Variants in SYT12 observed in about 807,000 individuals in gnomAD.
SYT12 encodes the protein synaptotagmin-12.
A neutral mutation model predicts 39.5 loss-of-function variants in SYT12; 27 were observed. The observed-to-expected ratio is 0.68, with a 90% CI of 0.50 to 0.94. The LOEUF is 0.94. SYT12 is among the 40% of genes least tolerant of loss of function. The pLI is 0.00. For synonymous variants in SYT12, 233 were observed against 239.7 expected (o/e 0.97, Z 0.26); for missense variants, 536 against 572.6 (o/e 0.94, Z 0.65).
intron 2 of SYT12, chr11:67,030,496 C>T (rs1329940903): frequency 2.9e-6 from 1 of 347,386 alleles, no homozygotes; most frequent in African/African-American, 2.1e-5. Flanking sequence ...TCGGAATCCA[C>T]TCACCGAGGC....
At position 67,050,337 on chromosome 11, in the gene SYT12, G is replaced by GGGGCCACCCACAGGTGACAGCAT. The variant is rs1176003153; in HGVS notation, c.*1583_*1605dup. 2.0e-5 allele frequency: 3 copies of GGGGCCACCCACAGGTGACAGCAT among 152,448 alleles called. No homozygotes were observed. Among genetic ancestry groups the GGGGCCACCCACAGGTGACAGCAT allele is most frequent in the Non-Finnish European group, 4.4e-5 (3 of 68,212 alleles). 9.4% of individuals were successfully genotyped at this position (152,448 alleles called of 1,614,324 possible). A position where few individuals can be genotyped will look rare whatever the true frequency, so the allele number is the denominator to read the frequency against. ...GCAGGTGGGGTATCATCTGCTCGGT[G>GGGGCCACCCACAGGTGACAGCAT]GGGCCACCCACAGGTGACAGCATGG... On this transcript the variant is annotated 3_prime_UTR_variant, in exon 8 of 8. Transcript: ENST00000527043.
intron 2 of SYT12, 128 bp downstream of exon 2, chr11:67,030,306 T>A: frequency 8.9e-7 from 1 of 1,121,916 alleles, no homozygotes; most frequent in Admixed American, 2.2e-5. Flanking sequence ...TCAAGGACAG[T>A]CAGTGACTTG....
At chr11:67,019,256 T>C (rs1233786969), upstream of SYT12, among the ~76,000 whole-genome samples, 6 of 152,186 alleles carry the variant, frequency 3.9e-5, no homozygotes, top group East Asian at 1.2e-3. Flanking sequence ...GTAGATCACC[T>C]GAGGTCGGAA....
chr11:67,043,769 G>A lies in SYT12; in HGVS notation c.753G>A (p.Thr251=), dbSNP rs79790963. 6.4e-4 allele frequency: 1,026 copies of A among 1,614,110 alleles called. 5 individuals are homozygous for A. Among genetic ancestry groups the A allele is most frequent in the African/African-American group, 5.6e-3 (421 of 75,050 alleles). ...GIDEDERNVS[T]GVVELKLSVL... ...ATGAGGATGAGCGCAACGTCAGCAC[G>A]GGGGTGGTGGAGCTGAAGCTTTCTG... The change falls in exon 5 of 8, where the codon ACG becomes ACA. Residue 251 remains threonine, a synonymous_variant. Transcript: ENST00000527043.
At chr11:67,045,954 T>C in intron 7 of SYT12, 77 bp downstream of exon 7, 3 of 1,580,186 alleles carry the variant, frequency 1.9e-6, no homozygotes, top group Non-Finnish European at 2.6e-6. Flanking sequence ...CACCTTCTCT[T>C]CTCAGGGCCC....
intron 3 of SYT12, among the ~76,000 whole-genome samples, chr11:67,037,857 G>A (rs914514397): frequency 3.3e-5 from 5 of 150,432 alleles, no homozygotes; most frequent in Admixed American, 3.3e-4. Context: ...ACTCCAGCCT[G>A]GGCGACAGAG....
rs1205863686 is a variant in SYT12, at chr11:67,050,290, A to C, written c.*1533A>C. The C allele has an allele frequency of 6.6e-6, 1 of 152,310 alleles. No homozygotes were observed. Among genetic ancestry groups the C allele is most frequent in the Admixed American group, 6.5e-5 (1 of 15,286 alleles). 9.4% of individuals were successfully genotyped at this position (152,310 alleles called of 1,614,324 possible). A position where few individuals can be genotyped will look rare whatever the true frequency, so the allele number is the denominator to read the frequency against. On this transcript the variant is annotated 3_prime_UTR_variant, in exon 8 of 8. Coordinates refer to ENST00000527043, the MANE Select transcript of SYT12 (RefSeq NM_177963.4). ...TTGCCTTCATGGCTGAGTGCTGGGAAGGGCTGAGCTCACCCAGGCCAGCAG... is the reference window on the plus strand; with the variant it reads ...TTGCCTTCATGGCTGAGTGCTGGGACGGGCTGAGCTCACCCAGGCCAGCAG...
At chr11:67,007,840 A>G (rs1311493352) in intron 1 of SYT12, among the ~76,000 whole-genome samples, 1 of 152,092 alleles carries the variant, frequency 6.6e-6, no homozygotes, top group Admixed American at 6.6e-5. Context: ...CTGGGATTAC[A>G]GGTGTGAGCC....
At chr11:67,016,043 G>C (rs145344417) in intron 3 of SYT12, among the ~76,000 whole-genome samples, 134 of 152,334 alleles carry the variant, frequency 8.8e-4, no homozygotes, top group African/African-American at 2.9e-3. Flanking sequence ...CACTTCGGGA[G>C]GCTGGGGTGG....
At chr11:67,008,248 C>G (rs761997319) in intron 1 of SYT12, among the ~76,000 whole-genome samples, 2 of 152,144 alleles carry the variant, frequency 1.3e-5, no homozygotes, top group African/African-American at 2.4e-5. Context: ...GCCATCACAC[C>G]CGGCCAGGAA....
At position 67,045,819 on chromosome 11, in the gene SYT12, A is replaced by C; in HGVS notation, c.1034A>C (p.Asp345Ala). Residue 345 changes from aspartate to alanine, a missense_variant, in exon 7 of 8, where the codon GAC becomes GCC. Coordinates refer to ENST00000527043, the MANE Select transcript of SYT12 (RefSeq NM_177963.4). ...AAGAAGACAGCCGTGAAGAGGGATG[A>C]CCCCAACCCGGTGTTCAACGAAGCC... ...SKKKTAVKRD[D>A]PNPVFNEAMI... is the part of the protein sequence containing the mutation. 6.2e-7 allele frequency: 1 copy of C among 1,612,074 alleles called. No individual in the cohort carries two copies. The highest frequency in any genetic ancestry group is 8.5e-7 in the Non-Finnish European group (1 of 1,179,634).
chr11:67,010,094 G>A (rs1194788762), exon 2 of SYT12: 1 of 152,344 alleles, frequency 6.6e-6, no homozygotes, highest in Admixed American at 6.5e-5. Context: ...CGTGGACAGT[G>A]ACAGCCGGAC....
chr11:67,034,855 T>TGCAGGTGCACA lies in SYT12; in HGVS notation c.228+20_228+30dup. On this transcript the variant is annotated intron_variant, in intron 3 of 7. Transcript: ENST00000527043. ...AGGGAGAAGGTGAGGCTTCTGCTCC[T>TGCAGGTGCACA]GCAGGTGCACAGCGAGTGCAACCCC... is the stretch of plus-strand genomic sequence containing the variant. The TGCAGGTGCACA allele has an allele frequency of 6.6e-7, 1 of 1,513,436 alleles. No homozygotes were observed. Among genetic ancestry groups the TGCAGGTGCACA allele is most frequent in the Non-Finnish European group, 8.8e-7 (1 of 1,136,204 alleles). The allele number at this position is 1,513,436 out of a possible 1,614,324, so 93.8% of individuals were successfully genotyped here.
At chr11:67,014,085 C>G (rs1287770722) in intron 3 of SYT12, among the ~76,000 whole-genome samples, 2 of 152,188 alleles carry the variant, frequency 1.3e-5, no homozygotes, top group Non-Finnish European at 1.5e-5. Flanking sequence ...AGGACACCAC[C>G]CATCGCATGT....
At chr11:67,007,531 G>A (rs991416484) in intron 1 of SYT12, 2 of 152,170 alleles carry the variant, frequency 1.3e-5, no homozygotes, top group Admixed American at 6.6e-5. Flanking sequence ...TGGGGAGGAG[G>A]AATTCGTATA....
intron 3 of SYT12, 51 bp downstream of exon 3, chr11:67,034,889 A>C (rs762578504): frequency 1.9e-5 from 26 of 1,398,924 alleles, no homozygotes; most frequent in Non-Finnish European, 9.4e-7. Context: ...CCATGCCCCT[A>C]CCATCCACTC....
chr11:67,023,330 C>A lies in SYT12; in HGVS notation c.-154C>A, dbSNP rs2136201185. ...CGGCCCGCGCCGCGCTCCTCGGAGGCGGGAGCCCGGCGACACTGCAGGGGT... is the reference window on the plus strand; with the variant it reads ...CGGCCCGCGCCGCGCTCCTCGGAGGAGGGAGCCCGGCGACACTGCAGGGGT... On this transcript the variant is annotated 5_prime_UTR_variant, in exon 1 of 8. Coordinates refer to ENST00000527043, the MANE Select transcript of SYT12 (RefSeq NM_177963.4). 1 of 148,138 alleles carries A rather than the reference C, an allele frequency of 6.8e-6. No homozygotes were observed. The highest frequency in any genetic ancestry group is 2.1e-4 in the South Asian group (1 of 4,804). 9.2% of individuals were successfully genotyped at this position (148,138 alleles called of 1,614,324 possible).
intron 4 of SYT12, 117 bp downstream of exon 4, chr11:67,040,320 A>T: frequency 7.3e-7 from 1 of 1,366,016 alleles, no homozygotes; most frequent in Non-Finnish European, 9.9e-7. Flanking sequence ...GCAAGTATGG[A>T]TGCTGATCCC....
Position 67,041,902 on chromosome 11 carries a change from C to G in SYT12, c.621+1699C>G, listed in dbSNP as rs529136842. On this transcript the variant is annotated intron_variant, in intron 4 of 7. Coordinates refer to ENST00000527043, the MANE Select transcript of SYT12 (RefSeq NM_177963.4). ...AGGGTGGAGAATAAAGCGTGAGGGG[C>G]AGGGAAGGTGCCCAGTCCCTTAGGC... Among the ~76,000 whole-genome samples the G allele has an allele frequency of 3.3e-5, 5 of 152,276 alleles. No individual in the cohort carries two copies. The East Asian group carries it at 7.7e-4, about 23-fold the overall frequency.
Sources: gnomAD v4.1 joint callset for allele counts (sites outside exome capture counted in the v4.1 genomes callset) on GRCh38, gnomAD v4.1.1 for gene constraint, MANE v1.5 for transcripts, NCBI Gene and HGNC (gene_info 2026-07-23, HGNC 2026-07-21) for gene names.